The following MACROD2 variants were observed in gnomAD, a reference collection of about 807,000 sequenced individuals.
MACROD2 encodes the protein mono-ADP ribosylhydrolase 2.
A neutral mutation model predicts 70.4 loss-of-function variants in MACROD2; 36 were observed. That is an observed-to-expected ratio of 0.51 (90% CI 0.39 to 0.68). The LOEUF is 0.68. Ranked by LOEUF, MACROD2 falls within the 30% of genes least tolerant of loss-of-function variation. MACROD2 has a pLI of 0.00. For missense variants in MACROD2, 496 were observed against 538.4 expected, an observed-to-expected ratio of 0.92 and a Z score of 0.78; for synonymous variants, 172 against 178.8, an observed-to-expected ratio of 0.96 and a Z score of 0.30.
At chr20:14,186,379 G>C (rs565860925) in intron 3 of MACROD2, among the ~76,000 whole-genome samples, 73 of 142,020 alleles carry the variant, frequency 5.1e-4, no homozygotes, top group Non-Finnish European at 8.6e-4. Flanking sequence ...AATAATTAGA[G>C]AAATGCAAAT....
chr20:13,998,726 C>T (rs1043453808), intron 1 of MACROD2, among the ~76,000 whole-genome samples: 12 of 151,932 alleles, frequency 7.9e-5, no homozygotes, highest in East Asian at 3.9e-4. Flanking sequence ...GAGGCTGAGG[C>T]GGGTGGATCA....
At chr20:14,611,001 G>A (rs1425893169) in intron 4 of MACROD2, among the ~76,000 whole-genome samples, 1 of 151,996 alleles carries the variant, frequency 6.6e-6, no homozygotes, top group Non-Finnish European at 1.5e-5. Flanking sequence ...TTTCATAGAG[G>A]GCTTTGCTGG....
intron 8 of MACROD2, among the ~76,000 whole-genome samples, chr20:15,533,859 G>A (rs1004101723): frequency 5.3e-5 from 8 of 152,152 alleles, no homozygotes; most frequent in African/African-American, 1.7e-4. Flanking sequence ...TGCATTTCAA[G>A]TTCATTATTT....
At chr20:14,257,509 C>T (rs1261844448) in intron 3 of MACROD2, among the ~76,000 whole-genome samples, 2 of 152,012 alleles carry the variant, frequency 1.3e-5, no homozygotes, top group East Asian at 3.9e-4. Flanking sequence ...TGTATGAAAA[C>T]TCTAAAAGGG....
chr20:15,395,760 C>T (rs1033307153), intron 6 of MACROD2, among the ~76,000 whole-genome samples: 1 of 152,170 alleles, frequency 6.6e-6, no homozygotes, highest in Admixed American at 6.5e-5. Flanking sequence ...CCTTAAGATG[C>T]CAATAGGTTA....
At chr20:14,652,381 T>C (rs1384512164) in intron 4 of MACROD2, among the ~76,000 whole-genome samples, 1 of 152,236 alleles carries the variant, frequency 6.6e-6, no homozygotes, top group African/African-American at 2.4e-5. Flanking sequence ...CTTTTGTAGA[T>C]ACCATACACA....
intron 8 of MACROD2, among the ~76,000 whole-genome samples, chr20:15,513,167 G>GTT (rs151334919): frequency 2.0e-5 from 3 of 152,170 alleles, no homozygotes; most frequent in Non-Finnish European, 4.4e-5. Context: ...GATTTCAACT[G>GTT]TTTTTTATAA....
intron 4 of MACROD2, among the ~76,000 whole-genome samples, chr20:14,626,633 C>T (rs1984186480): frequency 6.6e-6 from 1 of 152,152 alleles, no homozygotes; most frequent in Non-Finnish European, 1.5e-5. Flanking sequence ...GCAGCTGCTC[C>T]CTGCTTACTT....
intron 8 of MACROD2, among the ~76,000 whole-genome samples, chr20:15,660,546 C>T (rs1442798221): frequency 6.6e-6 from 1 of 152,164 alleles, no homozygotes; most frequent in Non-Finnish European, 1.5e-5. Flanking sequence ...ATATTTCAGG[C>T]TTTTAATTTC....
chr20:15,915,126 G>A (rs975758700), intron 10 of MACROD2, among the ~76,000 whole-genome samples: 3 of 152,018 alleles, frequency 2.0e-5, no homozygotes, highest in African/African-American at 4.8e-5. Context: ...TTCTATGGAG[G>A]TTCCGTGACA....
At chr20:14,229,285 C>A (rs1018268747) in intron 3 of MACROD2, among the ~76,000 whole-genome samples, 1 of 152,116 alleles carries the variant, frequency 6.6e-6, no homozygotes, top group Non-Finnish European at 1.5e-5. Flanking sequence ...AACGAAAAGA[C>A]AAGCCACAGG....
intron 8 of MACROD2, among the ~76,000 whole-genome samples, chr20:15,797,566 C>T (rs1374919594): frequency 6.6e-6 from 1 of 152,158 alleles, no homozygotes; most frequent in African/African-American, 2.4e-5. Context: ...TAGATATATC[C>T]CCAGCAGAGT....
At chr20:14,176,262 G>A (rs2081262348) in intron 3 of MACROD2, among the ~76,000 whole-genome samples, 1 of 152,188 alleles carries the variant, frequency 6.6e-6, no homozygotes, top group Non-Finnish European at 1.5e-5. Flanking sequence ...TAGAGCTTCT[G>A]CAAGTCTTCA....
intron 6 of MACROD2, among the ~76,000 whole-genome samples, chr20:15,289,318 G>A (rs1339866084): frequency 2.0e-5 from 3 of 152,194 alleles, no homozygotes; most frequent in Admixed American, 6.5e-5. Flanking sequence ...GATTTAGAAA[G>A]GGAGAACGAG....
intron 6 of MACROD2, among the ~76,000 whole-genome samples, chr20:15,327,903 G>A (rs6110572): frequency 1.3e-5 from 2 of 151,994 alleles, no homozygotes; most frequent in Non-Finnish European, 2.9e-5. Flanking sequence ...GACTGGTCTA[G>A]GTACTTGACA....
At chr20:14,482,387 A>G (rs544019338) in intron 3 of MACROD2, among the ~76,000 whole-genome samples, 1 of 152,008 alleles carries the variant, frequency 6.6e-6, no homozygotes, top group Non-Finnish European at 1.5e-5. Context: ...AGAAATACAG[A>G]AACAGGGATT....
intron 5 of MACROD2, among the ~76,000 whole-genome samples, chr20:14,910,230 A>G (rs1019694011): frequency 7.2e-5 from 11 of 152,198 alleles, no homozygotes; most frequent in African/African-American, 2.7e-4. Flanking sequence ...TATCAGAGTT[A>G]AAAGAATGTT....
intron 5 of MACROD2, among the ~76,000 whole-genome samples, chr20:15,131,993 T>C (rs2076109472): frequency 6.6e-6 from 1 of 151,946 alleles, no homozygotes; most frequent in Non-Finnish European, 1.5e-5. Flanking sequence ...GAAATAATTC[T>C]AAAGATGTTA....
chr20:15,113,386 T>G (rs1373243194), intron 5 of MACROD2, among the ~76,000 whole-genome samples: 2 of 152,176 alleles, frequency 1.3e-5, no homozygotes, highest in African/African-American at 4.8e-5. Context: ...CATGAGCATT[T>G]ACAAATGATA....
Sources: allele counts gnomAD v4.1 joint callset (sites outside exome capture counted in the v4.1 genomes callset), GRCh38; gene constraint gnomAD v4.1.1; transcripts MANE v1.5; gene names NCBI Gene and HGNC (gene_info 2026-07-23, HGNC 2026-07-21).